RBFOX1: variants seen among roughly 807,000 people sequenced by gnomAD.
RBFOX1 encodes RNA binding fox-1 homolog 1, also known as RNA binding protein fox-1 homolog 1.
In RBFOX1, 8 loss-of-function variants were observed where a neutral mutation model predicts 57.7. The ratio of observed to expected loss-of-function variants is 0.14; its 90% confidence interval spans 0.08 to 0.25. RBFOX1 has a LOEUF of 0.25. RBFOX1 is among the 10% of genes least tolerant of loss of function. The pLI is 1.00. For synonymous variants in RBFOX1, 326 were observed against 222.4 expected, an observed-to-expected ratio of 1.47 and a Z score of -4.15; for missense variants, 611 against 548.5, an observed-to-expected ratio of 1.11 and a Z score of -1.14.
chr16:5,811,143 A>ATTTTTTTTTTTTTT, intron 3 of RBFOX1, among the ~76,000 whole-genome samples: 1 of 104,558 alleles, frequency 9.6e-6, no homozygotes. Context: ...TATGGAACAA[A>ATTTTTTTTTTTTTT]TTTTTTTTTT....
chr16:6,899,294 T>G (rs142208392), intron 3 of RBFOX1, among the ~76,000 whole-genome samples: 210 of 152,318 alleles, frequency 1.4e-3, no homozygotes, highest in African/African-American at 5.0e-3. Flanking sequence ...GTATAATACA[T>G]ATGTGTATGC....
At chr16:7,047,864 T>C (rs1291316525) in intron 3 of RBFOX1, among the ~76,000 whole-genome samples, 1 of 151,824 alleles carries the variant, frequency 6.6e-6, no homozygotes, top group Non-Finnish European at 1.5e-5. Flanking sequence ...TGAGATTTTA[T>C]TTTATTCCGT....
chr16:7,430,792 A>C (rs2098671896), intron 4 of RBFOX1, among the ~76,000 whole-genome samples: 1 of 152,190 alleles, frequency 6.6e-6, no homozygotes, highest in African/African-American at 2.4e-5. Context: ...TGCTACCTGG[A>C]TGGCCAAGTG....
At chr16:5,949,455 G>C (rs2059473479) in intron 4 of RBFOX1, among the ~76,000 whole-genome samples, 1 of 150,676 alleles carries the variant, frequency 6.6e-6, no homozygotes, top group Admixed American at 6.7e-5. Flanking sequence ...GAACCCGGGA[G>C]GCAGAGCTTG....
chr16:6,905,939 T>C (rs2069779491), intron 3 of RBFOX1, among the ~76,000 whole-genome samples: 1 of 152,196 alleles, frequency 6.6e-6, no homozygotes, highest in African/African-American at 2.4e-5. Flanking sequence ...TCTGCCCTTG[T>C]GTTTCCAAGG....
chr16:7,135,249 C>T (rs977687285), intron 4 of RBFOX1, among the ~76,000 whole-genome samples: 2 of 152,098 alleles, frequency 1.3e-5, no homozygotes, highest in Non-Finnish European at 2.9e-5. Flanking sequence ...TTTGTTGTTG[C>T]TGTTGGATTA....
chr16:6,826,210 G>A (rs1436075452), intron 3 of RBFOX1, among the ~76,000 whole-genome samples: 1 of 152,076 alleles, frequency 6.6e-6, no homozygotes, highest in Non-Finnish European at 1.5e-5. Context: ...GTCAGTCGAC[G>A]CATGTAAGAG....
intron 4 of RBFOX1, among the ~76,000 whole-genome samples, chr16:5,909,250 G>A (rs1021365831): frequency 6.6e-5 from 10 of 151,678 alleles, no homozygotes; most frequent in East Asian, 2.0e-4. Context: ...CCACCACCAC[G>A]CCTGGGTAAT....
intron 4 of RBFOX1, among the ~76,000 whole-genome samples, chr16:7,358,664 C>T (rs2097263048): frequency 6.6e-6 from 1 of 152,182 alleles, no homozygotes; most frequent in South Asian, 2.1e-4. Flanking sequence ...AGGTGATCCA[C>T]CCACCTCGGC....
At chr16:6,366,301 C>G (rs1053865265) in intron 2 of RBFOX1, among the ~76,000 whole-genome samples, 1 of 152,100 alleles carries the variant, frequency 6.6e-6, no homozygotes, top group Non-Finnish European at 1.5e-5. Context: ...TCTAAACTCA[C>G]CATACCTTTT....
At chr16:6,430,095 C>T (rs964488078) in intron 2 of RBFOX1, among the ~76,000 whole-genome samples, 4 of 150,318 alleles carry the variant, frequency 2.7e-5, no homozygotes, top group African/African-American at 7.4e-5. Flanking sequence ...GCAACAAGAG[C>T]GAAACTCCAT....
At chr16:7,697,118 A>G (rs1300457336) in intron 14 of RBFOX1, among the ~76,000 whole-genome samples, 2 of 152,186 alleles carry the variant, frequency 1.3e-5, no homozygotes, top group African/African-American at 4.8e-5. Context: ...TGCTTTGTGG[A>G]GACCAAACTG....
intron 3 of RBFOX1, among the ~76,000 whole-genome samples, chr16:6,974,804 C>CA (rs2086444197): frequency 6.6e-6 from 1 of 152,112 alleles, no homozygotes. Context: ...TGAAGTTTGC[C>CA]AGTCACTCCC....
At chr16:7,155,565 C>T (rs2076907021) in intron 4 of RBFOX1, among the ~76,000 whole-genome samples, 3 of 149,108 alleles carry the variant, frequency 2.0e-5, no homozygotes, top group Admixed American at 1.3e-4. Context: ...CACTGCCCTC[C>T]AGCTTGGGTA....
intron 3 of RBFOX1, among the ~76,000 whole-genome samples, chr16:6,905,170 ATTC>A (rs2069523159): frequency 1.3e-5 from 2 of 152,102 alleles, no homozygotes. Flanking sequence ...CAAATCCTTT[ATTC>A]TTTATCCATT....
At chr16:6,039,053 C>G (rs1402264442) in intron 1 of RBFOX1, 3 of 142,632 alleles carry the variant, frequency 2.1e-5, no homozygotes, top group Non-Finnish European at 3.0e-5. Context: ...ATTAAAAATG[C>G]TGAATCCCGC....
rs184802099 is a variant in RBFOX1 at position 5,986,311 on chromosome 16, G to A, written c.351+118976G>A. Among the ~76,000 whole-genome samples, 95 of 152,254 alleles carry A rather than the reference G, an allele frequency of 6.2e-4. 1 individual carries two copies. The highest frequency in any genetic ancestry group is 2.0e-3 in the African/African-American group (83 of 41,564). On this transcript the variant is annotated intron_variant, in intron 4 of 19. Transcript: ENST00000641259. ...ACTCCTGACCTCAGGCCATCTACCC[G>A]CCCCGGCCTCCCATAGTGCTGGGAT...
intron 4 of RBFOX1, among the ~76,000 whole-genome samples, chr16:7,427,461 C>T (rs185826007): frequency 1.5e-3 from 225 of 152,078 alleles, no homozygotes; most frequent in African/African-American, 5.0e-3. Flanking sequence ...ATGTACCCTC[C>T]GGTGACTTGC....
chr16:6,864,793 C>T (rs1325836502), intron 3 of RBFOX1, among the ~76,000 whole-genome samples: 1 of 151,806 alleles, frequency 6.6e-6, no homozygotes, highest in African/African-American at 2.4e-5. Flanking sequence ...GGTTTAAAAA[C>T]AATAAGGAGA....
Sources: gnomAD v4.1 joint callset for allele counts (sites outside exome capture counted in the v4.1 genomes callset) on GRCh38, gnomAD v4.1.1 for gene constraint, MANE v1.5 for transcripts, NCBI Gene and HGNC (gene_info 2026-07-23, HGNC 2026-07-21) for gene names.